The following TENM1 variants were observed in gnomAD, a reference collection of about 807,000 sequenced individuals.
TENM1 encodes the protein teneurin transmembrane protein 1.
TENM1 carries 35 observed loss-of-function variants against 174.8 expected under a neutral mutation model. That is an observed-to-expected ratio of 0.20 (90% CI 0.15 to 0.27). The LOEUF (loss-of-function observed/expected upper bound fraction) is 0.27, where lower values mean the gene tolerates loss of function less well. Among genes scored for constraint, TENM1 ranks in the 10% least tolerant of loss-of-function variants. The probability of loss-of-function intolerance (pLI) is 1.00; values close to 1 mark genes in which losing one functional copy is unlikely to be tolerated. For missense variants in TENM1, 1,633 were observed against 2,130.1 expected (o/e 0.77, Z 4.59); for synonymous variants, 781 against 798.7 (o/e 0.98, Z 0.37).
At chrX:124,717,668 T>TA (rs1204183441) in intron 4 of TENM1, among the ~76,000 whole-genome samples, 6 of 111,585 alleles carry the variant, frequency 5.4e-5, no homozygotes, top group Non-Finnish European at 1.1e-4. Flanking sequence ...CTCTGCATCT[T>TA]AAAAAAAACC....
At chrX:124,934,198 T>G (rs184709680) in intron 1 of TENM1, among the ~76,000 whole-genome samples, 1 of 112,213 alleles carries the variant, frequency 8.9e-6, no homozygotes. Flanking sequence ...ATGGAAGAAT[T>G]TATTTTTTAA....
At chrX:124,633,327 T>A (rs1445763626) in intron 11 of TENM1, among the ~76,000 whole-genome samples, 1 of 111,910 alleles carries the variant, frequency 8.9e-6, no homozygotes, top group Non-Finnish European at 1.9e-5. Context: ...GCCATCTTAT[T>A]TAAATATATG....
the TENM1 span, among the ~76,000 whole-genome samples, chrX:125,020,577 A>T: frequency 4.6e-5 from 5 of 108,749 alleles, no homozygotes; most frequent in Admixed American, 5.0e-4. Flanking sequence ...AATTCGAGTT[A>T]ATTTTCCAGG....
the TENM1 span, among the ~76,000 whole-genome samples, chrX:125,111,717 C>A: frequency 9.0e-6 from 1 of 111,539 alleles, no homozygotes; most frequent in Non-Finnish European, 1.9e-5. Context: ...GATCAGGTTT[C>A]AAATACAGTG....
At chrX:124,980,200 C>A in the TENM1 span, among the ~76,000 whole-genome samples, 1 of 110,483 alleles carries the variant, frequency 9.1e-6, no homozygotes, top group Non-Finnish European at 1.9e-5. Flanking sequence ...AGCAAGACCC[C>A]ATCTTTAATA....
the TENM1 span, among the ~76,000 whole-genome samples, chrX:124,978,105 C>T: frequency 1.8e-5 from 2 of 110,085 alleles, no homozygotes; most frequent in Admixed American, 9.8e-5. Flanking sequence ...TTGCCATATT[C>T]GATCTGCTTT....
At chrX:124,673,036 G>A (rs774338443) in intron 5 of TENM1, among the ~76,000 whole-genome samples, 1 of 111,783 alleles carries the variant, frequency 8.9e-6, no homozygotes, top group South Asian at 3.7e-4. Context: ...GAAAAAGAAA[G>A]CTTTCGGTTT....
chrX:124,967,024 C>T (rs2058735787), upstream of TENM1, among the ~76,000 whole-genome samples: 1 of 111,680 alleles, frequency 9.0e-6, no homozygotes, highest in Admixed American at 9.5e-5. Context: ...AAGTAAACAA[C>T]TCTACTACAA....
the TENM1 span, among the ~76,000 whole-genome samples, chrX:125,120,355 G>A: frequency 1.8e-5 from 2 of 110,830 alleles, no homozygotes; most frequent in Non-Finnish European, 3.8e-5. Flanking sequence ...TTCAGGATGT[G>A]CAGGTTTGTT....
chrX:124,770,719 T>C (rs1209122356), intron 3 of TENM1, among the ~76,000 whole-genome samples: 1 of 110,841 alleles, frequency 9.0e-6, no homozygotes, highest in Non-Finnish European at 1.9e-5. Context: ...CATTTTTTTT[T>C]TTTTTTACTT....
At chrX:124,756,992 C>T (rs1287249135) in intron 3 of TENM1, among the ~76,000 whole-genome samples, 3 of 111,828 alleles carry the variant, frequency 2.7e-5, no homozygotes, top group Non-Finnish European at 3.8e-5. Flanking sequence ...TCTCCAGCTG[C>T]GTGCTGGGAG....
chrX:124,500,405 T>C (rs1452365557), intron 19 of TENM1, among the ~76,000 whole-genome samples: 1 of 112,192 alleles, frequency 8.9e-6, no homozygotes, highest in Non-Finnish European at 1.9e-5. Flanking sequence ...TAACACCAAT[T>C]CTTTTGCAAA....
At chrX:124,573,060 C>T (rs2049090860) in intron 11 of TENM1, among the ~76,000 whole-genome samples, 1 of 111,080 alleles carries the variant, frequency 9.0e-6, no homozygotes, top group South Asian at 3.8e-4. Flanking sequence ...TGAAGCATAC[C>T]TATTAATACT....
At chrX:124,889,345 T>TA (rs979133900) in intron 3 of TENM1, among the ~76,000 whole-genome samples, 4 of 111,212 alleles carry the variant, frequency 3.6e-5, no homozygotes, top group South Asian at 3.8e-4. Flanking sequence ...GAAATGGCAC[T>TA]AAAAAAAATC....
chrX:124,535,157 G>T (rs1244942978), intron 15 of TENM1, among the ~76,000 whole-genome samples: 1 of 111,680 alleles, frequency 9.0e-6, no homozygotes, highest in Non-Finnish European at 1.9e-5. Flanking sequence ...AACACAGATT[G>T]CTGGGTCGTA....
intron 4 of TENM1, among the ~76,000 whole-genome samples, chrX:124,725,517 T>C (rs746320736): frequency 2.7e-5 from 3 of 112,506 alleles, no homozygotes; most frequent in African/African-American, 9.7e-5. Context: ...TTTGCTTATC[T>C]GTTCACCAAA....
intron 5 of TENM1, among the ~76,000 whole-genome samples, chrX:124,693,440 C>A (rs1357281262): frequency 1.8e-5 from 2 of 111,541 alleles, no homozygotes; most frequent in Non-Finnish European, 3.8e-5. Flanking sequence ...TTTCTCTGAT[C>A]TTTTCTTAAA....
At chrX:124,801,310 CTTG>C (rs2055442880) in intron 3 of TENM1, among the ~76,000 whole-genome samples, 1 of 111,709 alleles carries the variant, frequency 9.0e-6, no homozygotes, top group African/African-American at 3.3e-5. Flanking sequence ...ATAGTTAGCT[CTTG>C]TTGTTGAATT....
chrX:124,380,195 C>T (rs41312759), exon 32 of TENM1: 6,217 of 161,266 alleles, frequency 0.039, 132 homozygotes, highest in South Asian at 0.085. Context: ...CTGCTTCTCA[C>T]AATAGAGATA....
Sources: gnomAD v4.1 joint callset for allele counts (sites outside exome capture counted in the v4.1 genomes callset) on GRCh38, gnomAD v4.1.1 for gene constraint, MANE v1.5 for transcripts, NCBI Gene and HGNC (gene_info 2026-07-23, HGNC 2026-07-21) for gene names.